Variants in BBS9 observed in about 807,000 individuals in gnomAD.
BBS9 encodes the protein protein PTHB1.
BBS9 carries 89 observed loss-of-function variants against 117.7 expected under a neutral mutation model. That is an observed-to-expected ratio of 0.76 (90% confidence interval 0.64 to 0.90). BBS9 has a LOEUF of 0.90. BBS9 is among the 40% of genes least tolerant of loss of function. The pLI, the probability that BBS9 is intolerant of heterozygous loss-of-function variation, is 0.00. For synonymous variants in BBS9, 379 were observed against 370.9 expected, an observed-to-expected ratio of 1.02 and a Z score of -0.25; for missense variants, 982 against 1,042.2, an observed-to-expected ratio of 0.94 and a Z score of 0.80.
intron 17 of BBS9, among the ~76,000 whole-genome samples, 167 bp from the exon 18 acceptor site, chr7:33,383,499 A>C (rs749296521): frequency 2.0e-5 from 3 of 152,212 alleles, no homozygotes; most frequent in Non-Finnish European, 4.4e-5. Context: ...TGGTTGATGC[A>C]GGGAGCAATG....
chr7:33,590,467 T>TTTTTGTTTTTG lies in BBS9; in HGVS notation c.2522-14394_2522-14393insGTTTTTGTTTT, dbSNP rs1554551756. Among the ~76,000 whole-genome samples, 384 of 78,952 alleles carry TTTTTGTTTTTG rather than the reference T, an allele frequency of 4.9e-3. 8 individuals are homozygous for TTTTTGTTTTTG. Among genetic ancestry groups the TTTTTGTTTTTG allele is most frequent in the African/African-American group, 0.025 (359 of 14,642 alleles). The allele number at this position is 78,952 out of a possible 152,430, so 51.8% of individuals were successfully genotyped here. A position where few individuals can be genotyped will look rare whatever the true frequency, so the allele number is the denominator to read the frequency against. ...TGTTTTTTTGTTTTTTTGTTTTTTT[T>TTTTTGTTTTTG]TTTTTTTTTTACCAGATCAGACAAC... On this transcript the variant is annotated intron_variant, in intron 21 of 22. Transcript: ENST00000242067.
chr7:33,154,370 A>G (rs1049977363), intron 3 of BBS9, among the ~76,000 whole-genome samples: 13 of 152,216 alleles, frequency 8.5e-5, no homozygotes, highest in Non-Finnish European at 1.3e-4. Flanking sequence ...CTAGGTCTGC[A>G]GACTTCAATT....
intron 19 of BBS9, among the ~76,000 whole-genome samples, chr7:33,474,358 A>G (rs952530323): frequency 2.6e-5 from 4 of 152,236 alleles, no homozygotes; most frequent in Non-Finnish European, 5.9e-5. Flanking sequence ...GGTTATTTGG[A>G]TTCAGCTTCC....
At chr7:33,276,496 G>A (rs1008601124) in intron 9 of BBS9, among the ~76,000 whole-genome samples, 3 of 152,144 alleles carry the variant, frequency 2.0e-5, no homozygotes, top group East Asian at 1.9e-4. Flanking sequence ...TGCGGTTTAG[G>A]TTATTAACCA....
At chr7:33,295,338 C>G (rs1203607278) in intron 9 of BBS9, among the ~76,000 whole-genome samples, 1 of 151,972 alleles carries the variant, frequency 6.6e-6, no homozygotes, top group Non-Finnish European at 1.5e-5. Flanking sequence ...CTGAACAGCA[C>G]TTTAAAAATT....
chr7:33,294,099 T>A (rs988107674), intron 9 of BBS9, among the ~76,000 whole-genome samples: 2 of 152,206 alleles, frequency 1.3e-5, no homozygotes, highest in Admixed American at 1.3e-4. Context: ...ACATATACTT[T>A]GAAGCCAGTA....
chr7:33,241,525 C>T (rs774510649), intron 5 of BBS9, among the ~76,000 whole-genome samples: 7 of 152,076 alleles, frequency 4.6e-5, no homozygotes, highest in Non-Finnish European at 8.8e-5. Flanking sequence ...CATATTTTCT[C>T]TATTATGTAC....
chr7:33,608,700 G>A (rs1347092011), downstream of BBS9, among the ~76,000 whole-genome samples: 1 of 151,816 alleles, frequency 6.6e-6, no homozygotes, highest in East Asian at 1.9e-4. Flanking sequence ...TTTTTAAATG[G>A]GATTATTTGT....
chr7:33,404,505 C>T (rs2128800507), intron 19 of BBS9, among the ~76,000 whole-genome samples: 1 of 152,144 alleles, frequency 6.6e-6, no homozygotes, highest in African/African-American at 2.4e-5. Flanking sequence ...TTGTTTGTAT[C>T]CTCTTTTATT....
intron 5 of BBS9, among the ~76,000 whole-genome samples, chr7:33,199,059 A>G (rs915265202): frequency 2.6e-5 from 4 of 151,988 alleles, no homozygotes; most frequent in Admixed American, 2.6e-4. Flanking sequence ...TGAATTGATC[A>G]ACACATAATA....
intron 21 of BBS9, among the ~76,000 whole-genome samples, chr7:33,564,205 A>G (rs898957078): frequency 5.3e-5 from 8 of 152,182 alleles, no homozygotes; most frequent in African/African-American, 1.7e-4. Context: ...TATCTGCTAT[A>G]GACCTATTCT....
intron 5 of BBS9, 114 bp from the exon 6 acceptor site, chr7:33,257,122 C>T (rs2128312088): frequency 1.5e-6 from 1 of 674,300 alleles, no homozygotes; most frequent in East Asian, 3.1e-5. Context: ...CTGCTTAATG[C>T]TATGATTTAT....
At chr7:33,472,688 A>G (rs1841220562) in intron 19 of BBS9, among the ~76,000 whole-genome samples, 1 of 152,198 alleles carries the variant, frequency 6.6e-6, no homozygotes, top group Non-Finnish European at 1.5e-5. Context: ...TTAATGGCAT[A>G]TTTAATTGTG....
intron 5 of BBS9, among the ~76,000 whole-genome samples, chr7:33,194,845 G>A (rs1784691014): frequency 6.6e-6 from 1 of 152,126 alleles, no homozygotes; most frequent in Non-Finnish European, 1.5e-5. Context: ...TATTTATAGA[G>A]AAGACTATGT....
At chr7:33,580,146 C>G (rs1859631851) in intron 21 of BBS9, among the ~76,000 whole-genome samples, 1 of 151,666 alleles carries the variant, frequency 6.6e-6, no homozygotes, top group African/African-American at 2.4e-5. Flanking sequence ...GAATAGAGGC[C>G]TCTGCTGGTT....
At chr7:33,239,988 C>CTT (rs1794206792) in intron 5 of BBS9, among the ~76,000 whole-genome samples, 3 of 152,120 alleles carry the variant, frequency 2.0e-5, no homozygotes, top group Non-Finnish European at 2.9e-5. Flanking sequence ...GGTGACAGAG[C>CTT]AAGACCCTGT....
At chr7:33,565,807 A>ACTGC (rs1208870655) in intron 21 of BBS9, among the ~76,000 whole-genome samples, 55 of 52,250 alleles carry the variant, frequency 1.1e-3, no homozygotes, top group African/African-American at 7.9e-3. Flanking sequence ...ATATATATAT[A>ACTGC]TATATATATA....
intron 18 of BBS9, among the ~76,000 whole-genome samples, chr7:33,385,818 A>G (rs1160978939): frequency 1.3e-5 from 2 of 151,846 alleles, no homozygotes; most frequent in African/African-American, 2.4e-5. Context: ...ATTGATAATT[A>G]GGTTAATGTT....
chr7:33,610,773 G>C (rs574410437), downstream of BBS9, among the ~76,000 whole-genome samples: 3 of 152,074 alleles, frequency 2.0e-5, no homozygotes, highest in East Asian at 5.8e-4. Flanking sequence ...ACCTAGCTTT[G>C]GGCTCAAATG....
Sources: gnomAD v4.1 joint callset for allele counts (sites outside exome capture counted in the v4.1 genomes callset) on GRCh38, gnomAD v4.1.1 for gene constraint, MANE v1.5 for transcripts, NCBI Gene and HGNC (gene_info 2026-07-23, HGNC 2026-07-21) for gene names.